AQR: variants seen among roughly 807,000 people sequenced by gnomAD.
AQR encodes RNA helicase aquarius.
In AQR, 61 loss-of-function variants were observed where a neutral mutation model predicts 180.5. That is an observed-to-expected ratio of 0.34 (90% confidence interval 0.28 to 0.42). The LOEUF is 0.42. AQR is among the 10% of genes least tolerant of loss of function. The pLI is 1.00. For synonymous variants in AQR, 551 were observed against 588.8 expected (o/e 0.94, Z 0.93); for missense variants, 1,281 against 1,798.3 (o/e 0.71, Z 5.20).
intron 4 of AQR, among the ~76,000 whole-genome samples, chr15:34,949,523 C>T (rs2140502188): frequency 6.9e-6 from 1 of 145,142 alleles, no homozygotes; most frequent in East Asian, 2.2e-4. Flanking sequence ...GCAGGAGAAT[C>T]ACTTGAACCC....
chr15:34,903,657 T>C (rs952599307), intron 19 of AQR, among the ~76,000 whole-genome samples: 2 of 152,114 alleles, frequency 1.3e-5, no homozygotes, highest in African/African-American at 4.8e-5. Flanking sequence ...AATAAAATGA[T>C]AGGAATGTCT....
At chr15:34,899,031 G>A (rs1032504556) in intron 20 of AQR, among the ~76,000 whole-genome samples, 1 of 151,550 alleles carries the variant, frequency 6.6e-6, no homozygotes, top group Non-Finnish European at 1.5e-5. Context: ...ATTGCCAGGC[G>A]TGGTGGCGGG....
intron 5 of AQR, among the ~76,000 whole-genome samples, chr15:34,947,501 G>T (rs1414697171): frequency 2.9e-5 from 3 of 103,650 alleles, no homozygotes; most frequent in Non-Finnish European, 4.1e-5. Context: ...ACCCAAGAAT[G>T]ATCAATAAAA....
chr15:34,905,611 A>G (rs1335590129), intron 18 of AQR, among the ~76,000 whole-genome samples: 1 of 150,596 alleles, frequency 6.6e-6, no homozygotes, highest in Non-Finnish European at 1.5e-5. Context: ...AAATATCACT[A>G]TGCATTTTCA....
At chr15:34,958,913 T>C (rs904878962) in intron 3 of AQR, among the ~76,000 whole-genome samples, 1 of 152,128 alleles carries the variant, frequency 6.6e-6, no homozygotes, top group African/African-American at 2.4e-5. Flanking sequence ...CTTGTCTCTA[T>C]CCTCTAACCA....
chr15:34,964,871 T>G (rs1392165883), intron 1 of AQR, among the ~76,000 whole-genome samples: 1 of 152,098 alleles, frequency 6.6e-6, no homozygotes, highest in Non-Finnish European at 1.5e-5. Flanking sequence ...AACAAATATA[T>G]AACTCTCTCT....
At position 34,920,413 on chromosome 15, in the gene AQR, C is replaced by T. The variant is rs1321417028; in HGVS notation, c.1140G>A (p.Val380=). The change falls in exon 14 of 35, where the codon GTG becomes GTA. Residue 380 remains valine (V), a synonymous_variant. Coordinates refer to ENST00000156471, the MANE Select transcript of AQR (RefSeq NM_014691.3). ...TTGGCAACAAGCAGAGGTATGATGC[C>T]ACCTGGTGGAGTGTGTTTGAACTGC... is the stretch of plus-strand genomic sequence containing the variant. ...GPLSSNTLHQ[V]ASYLCLLPTL... 5 of 1,613,234 alleles carry T rather than the reference C, an allele frequency of 3.1e-6. No individual in the cohort carries two copies. The East Asian group carries it at 8.9e-5, about 29-fold the overall frequency.
At chr15:34,874,505 G>T in intron 29 of AQR, 172 bp downstream of exon 29, 1 of 585,468 alleles carries the variant, frequency 1.7e-6, no homozygotes, top group Non-Finnish European at 2.9e-6. Context: ...TAAATTATTT[G>T]GTCCATTCAC....
rs796679378 is a variant in AQR at position 34,854,862 on chromosome 15, G to A, written c.*1930C>T. ...GTATCATACCTCATATCCCCTAAGG[G>A]AGAGAGAAAAATCAATCTTTTCCAG... is the stretch of plus-strand genomic sequence containing the variant. On this transcript the variant is annotated 3_prime_UTR_variant, in exon 35 of 35. Coordinates refer to ENST00000156471, the MANE Select transcript of AQR (RefSeq NM_014691.3). 2.2e-4 allele frequency: 33 copies of A among 152,320 alleles called. No individual in the cohort carries two copies. The highest frequency in any genetic ancestry group is 7.7e-4 in the African/African-American group (32 of 41,564). 9.4% of individuals were successfully genotyped at this position (152,320 alleles called of 1,614,324 possible).
At position 34,910,309 on chromosome 15, in the gene AQR, A is replaced by G; in HGVS notation, c.1489T>C (p.Ser497Pro). 6.2e-7 allele frequency: 1 copy of G among 1,612,204 alleles called. No individual in the cohort carries two copies. Among genetic ancestry groups the G allele is most frequent in the Non-Finnish European group, 8.5e-7 (1 of 1,178,742 alleles). The change falls in exon 17 of 35, where the codon TCT becomes CCT. Residue 497 changes from serine to proline, a missense_variant. Physicochemically the swap from Ser to Pro is moderately conservative, Grantham distance 74. This residue lies in a region of AQR where 200 missense variants were observed against 293.4 expected (regional missense o/e 0.68). Transcript: ENST00000156471. ...DSVSRMKPWQ[S>P]EYGGVVFGGW... The stretch of plus-strand genomic sequence containing the variant: ...CCAAACACTACACCGCCATATTCAG[A>G]TTGCCTGAAACCAAAGAAATGGATG...
At chr15:34,890,661 G>A (rs1255117754) in intron 23 of AQR, among the ~76,000 whole-genome samples, 1 of 152,098 alleles carries the variant, frequency 6.6e-6, no homozygotes, top group Admixed American at 6.6e-5. Context: ...CATTTCCTTG[G>A]GTTACAGAGA....
intron 11 of AQR, among the ~76,000 whole-genome samples, chr15:34,932,020 TTTAA>T (rs1248495290): frequency 9.9e-5 from 15 of 152,200 alleles, no homozygotes; most frequent in Non-Finnish European, 2.1e-4. Context: ...GCACAGTTCA[TTTAA>T]AATTAATGCT....
rs1241109027 is a variant in AQR, at chr15:34,904,722, G to A, written c.1832-217C>T. 8.6e-5 allele frequency among the ~76,000 whole-genome samples: 13 copies of A among 150,500 alleles called. No homozygotes were observed. The East Asian group carries it at 2.5e-3, about 29-fold the overall frequency. On this transcript the variant is annotated intron_variant, in intron 18 of 34. Coordinates refer to ENST00000156471, the MANE Select transcript of AQR (RefSeq NM_014691.3). The stretch of plus-strand genomic sequence containing the variant: ...TAAATTCTTACTATTTCCTTCCATA[G>A]CAGTCATGTAATGTTTACGATGCAA...
intron 4 of AQR, among the ~76,000 whole-genome samples, chr15:34,951,043 A>C (rs181772842): frequency 3.4e-4 from 52 of 152,314 alleles, no homozygotes; most frequent in African/African-American, 1.1e-3. Context: ...CCTGACTCCA[A>C]ACTACATCTC....
chr15:34,936,452 A>G (rs1404852673), intron 9 of AQR, among the ~76,000 whole-genome samples: 3 of 152,196 alleles, frequency 2.0e-5, no homozygotes, highest in Non-Finnish European at 4.4e-5. Flanking sequence ...GCAGTGGCTC[A>G]CACCTGAAAT....
In AQR at chr15:34,868,375, T is replaced by C. The variant is rs61131869; in HGVS notation, c.3769-766A>G. 9.5e-4 allele frequency: 144 copies of C among 151,832 alleles called. 1 individual carries two copies. Among genetic ancestry groups the C allele is most frequent in the African/African-American group, 3.3e-3 (138 of 41,442 alleles). 9.4% of individuals were successfully genotyped at this position (151,832 alleles called of 1,614,324 possible). ...GAAAGAAAAAAAGTGTATGTACAAA[T>C]AGGGAAGTTCAGAAAGGTTTCAGTC... On this transcript the variant is annotated intron_variant, in intron 31 of 34. Transcript: ENST00000156471.
At chr15:34,929,566 G>T (rs1197231687) in intron 12 of AQR, among the ~76,000 whole-genome samples, 1 of 152,176 alleles carries the variant, frequency 6.6e-6, no homozygotes, top group Non-Finnish European at 1.5e-5. Context: ...TTTGGTACCA[G>T]TACCAAGCTG....
At position 34,935,911 on chromosome 15, in the gene AQR, CA is replaced by C. The variant is rs1378359276; in HGVS notation, c.719-1277del. On this transcript the variant is annotated intron_variant, in intron 9 of 34. Transcript: ENST00000156471. ...TGTTCTTGTAACTGTCAAAGGAAAA[CA>C]TTTTTTCCCAAACTAAAAGAGTGAG... 2.6e-5 allele frequency among the ~76,000 whole-genome samples: 4 copies of C among 152,198 alleles called. No individual in the cohort carries two copies. In the East Asian group the frequency reaches 7.7e-4, roughly 29 times the overall value.
intron 4 of AQR, among the ~76,000 whole-genome samples, chr15:34,951,278 A>C (rs1894227044): frequency 6.6e-6 from 1 of 152,150 alleles, no homozygotes; most frequent in Admixed American, 6.6e-5. Flanking sequence ...CAAACTTTAG[A>C]CTGGTTATGT....
Sources: allele counts gnomAD v4.1 joint callset (sites outside exome capture counted in the v4.1 genomes callset), GRCh38; gene constraint gnomAD v4.1.1; regional missense constraint gnomAD v4.1.1; transcripts MANE v1.5; gene names NCBI Gene and HGNC (gene_info 2026-07-23, HGNC 2026-07-21).